The following SSUH2 variants were observed in gnomAD, a reference collection of about 807,000 sequenced individuals.
The protein encoded by SSUH2 is protein SSUH2 homolog.
In SSUH2, 47 loss-of-function variants were observed where a neutral mutation model predicts 55.3. That is an observed-to-expected ratio of 0.85 (90% CI 0.67 to 1.08). The LOEUF is 1.08. Among genes scored for constraint, SSUH2 ranks in the 50% least tolerant of loss-of-function variants. The pLI, the probability that SSUH2 is intolerant of heterozygous loss-of-function variation, is 0.00. For missense variants in SSUH2, 535 were observed against 490.7 expected (o/e 1.09, Z -0.85); for synonymous variants, 212 against 191.5 (o/e 1.11, Z -0.89).
At chr3:8,635,081 T>C (rs1699686710) in intron 3 of SSUH2, among the ~76,000 whole-genome samples, 1 of 152,222 alleles carries the variant, frequency 6.6e-6, no homozygotes, top group Non-Finnish European at 1.5e-5. Flanking sequence ...AACCCTGATC[T>C]AGACTATGGT....
At chr3:8,663,571 TG>T (rs1217015859) in intron 6 of SSUH2, among the ~76,000 whole-genome samples, 1 of 128,886 alleles carries the variant, frequency 7.8e-6, no homozygotes, top group African/African-American at 3.0e-5. Flanking sequence ...TGGGGCGGGG[TG>T]GGGGGTGTCT....
chr3:8,675,578 C>G lies in SSUH2; in HGVS notation c.-753+1628G>C, dbSNP rs889815799. 3.2e-5 allele frequency among the ~76,000 whole-genome samples: 4 copies of G among 126,346 alleles called. No homozygotes were observed. The East Asian group carries it at 7.6e-4, about 24-fold the overall frequency. The allele number at this position is 126,346 out of a possible 152,430, so 82.9% of individuals were successfully genotyped here. On this transcript the variant is annotated intron_variant, in intron 3 of 18. Coordinates refer to the SSUH2 transcript ENST00000317371. ...TTGTGATTTACTATCCCACAGGGGT[C>G]GGAACGCAGCCCAGGATCAGAAAGA...
In SSUH2 at chr3:8,633,690, C is replaced by G; in HGVS notation, c.315G>C (p.Glu105Asp). 1 of 1,533,372 alleles carries G rather than the reference C, an allele frequency of 6.5e-7. No homozygotes were observed. The highest frequency in any genetic ancestry group is 8.8e-7 in the Non-Finnish European group (1 of 1,141,144). 95.0% of individuals were successfully genotyped at this position (1,533,372 alleles called of 1,614,324 possible). ...CCCTGCAGAGGGTCTGCCGCTTCAG[C>G]TCCTGGATGACGAGGTCTCCAGCCA... ...STVAGDLVIQ[E>D]LKRQTLCRYR... is the part of the protein sequence containing the mutation. The change falls in exon 4 of 12, where the codon GAG (glutamate) becomes GAC (aspartate). Residue 105 changes from glutamate to aspartate, a missense_variant. By Grantham distance (45) the Glu-to-Asp change is conservative. Coordinates refer to ENST00000544814, the MANE Select transcript of SSUH2 (RefSeq NM_001256748.3).
intron 1 of SSUH2, chr3:8,681,763 C>G (rs986650182): frequency 6.6e-6 from 1 of 152,358 alleles, no homozygotes; most frequent in Admixed American, 6.6e-5. Flanking sequence ...CCTCTTCCCC[C>G]TCTGGCTCTT....
At chr3:8,671,560 C>T (rs1214005691) in intron 4 of SSUH2, among the ~76,000 whole-genome samples, 1 of 148,364 alleles carries the variant, frequency 6.7e-6, no homozygotes, top group Non-Finnish European at 1.5e-5. Flanking sequence ...GGTGTACACA[C>T]ATTGTGATAT....
upstream of SSUH2, among the ~76,000 whole-genome samples, chr3:8,647,847 G>A (rs140843803): frequency 6.6e-6 from 1 of 152,252 alleles, no homozygotes; most frequent in Non-Finnish European, 1.5e-5. Flanking sequence ...ATTGTTGTTG[G>A]CTTATCTGCA....
chr3:8,620,097 T>C (rs1696103149), intron 11 of SSUH2, 83 bp from the exon 12 acceptor site: 1 of 1,493,862 alleles, frequency 6.7e-7, no homozygotes, highest in Non-Finnish European at 9.1e-7. Context: ...AGCTCCCTAC[T>C]GTGTGTGGTA....
At chr3:8,627,429 C>A in intron 8 of SSUH2, 1 of 359,084 alleles carries the variant, frequency 2.8e-6, no homozygotes, top group Admixed American at 4.7e-5. Flanking sequence ...CCTGGTAACC[C>A]CGTCCCTGTG....
chr3:8,632,342 G>C (rs1056881159), intron 4 of SSUH2, among the ~76,000 whole-genome samples: 5 of 152,160 alleles, frequency 3.3e-5, no homozygotes, highest in African/African-American at 9.7e-5. Context: ...GCTCAAACTA[G>C]AGCTAATTCA....
chr3:8,643,480 T>C (rs1218320831), intron 1 of SSUH2, among the ~76,000 whole-genome samples: 3 of 152,244 alleles, frequency 2.0e-5, no homozygotes, highest in Non-Finnish European at 4.4e-5. Flanking sequence ...ATTTCCAATA[T>C]ATTAGAGGTC....
intron 8 of SSUH2, 72 bp from the exon 9 acceptor site, chr3:8,626,393 C>T: frequency 9.1e-7 from 1 of 1,098,352 alleles, no homozygotes; most frequent in South Asian, 1.3e-5. Context: ...CTCCCACCTG[C>T]ACCCCCTTCC....
intron 7 of SSUH2, among the ~76,000 whole-genome samples, chr3:8,653,800 A>C (rs1252458983): frequency 1.3e-5 from 2 of 152,250 alleles, no homozygotes; most frequent in Non-Finnish European, 2.9e-5. Flanking sequence ...AAGTAAATGT[A>C]CCCGTGTGAC....
chr3:8,640,664 G>A (rs566239256), intron 1 of SSUH2, among the ~76,000 whole-genome samples: 80 of 152,254 alleles, frequency 5.3e-4, no homozygotes, highest in African/African-American at 1.8e-3. Flanking sequence ...AAAGAAAGAA[G>A]GAAGGAGAAA....
At chr3:8,623,519 G>A (rs1321045954) in intron 11 of SSUH2, 30 bp downstream of exon 11, 13 of 1,334,832 alleles carry the variant, frequency 9.7e-6, no homozygotes, top group East Asian at 5.0e-5. Flanking sequence ...AGAGACGTCA[G>A]AGCCAGATGG....
intron 3 of SSUH2, chr3:8,634,769 C>A (rs552748153): frequency 3.8e-5 from 14 of 372,122 alleles, no homozygotes; most frequent in South Asian, 2.8e-4. Flanking sequence ...AAATAGGGGG[C>A]AGCTCCACCT....
chr3:8,633,850 C>G (rs376396142), intron 3 of SSUH2, 55 bp from the exon 4 acceptor site: 7 of 1,613,140 alleles, frequency 4.3e-6, no homozygotes, highest in Non-Finnish European at 5.9e-6. Context: ...TGTGGACTCA[C>G]GCGGGCCAGC....
intron 11 of SSUH2, among the ~76,000 whole-genome samples, chr3:8,620,728 T>A (rs942661251): frequency 1.3e-5 from 2 of 151,942 alleles, no homozygotes; most frequent in South Asian, 2.1e-4. Flanking sequence ...AATTTTTAGA[T>A]GGAGTGCTGG....
chr3:8,642,386 T>C (rs527538875), intron 1 of SSUH2, among the ~76,000 whole-genome samples: 128 of 152,326 alleles, frequency 8.4e-4, no homozygotes, highest in African/African-American at 3.0e-3. Context: ...CTGAGTAGAC[T>C]TGCAGCCTGG....
chr3:8,651,963 G>T (rs56243726), intron 7 of SSUH2: 1 of 152,304 alleles, frequency 6.6e-6, no homozygotes, highest in Non-Finnish European at 1.5e-5. Flanking sequence ...TCTCCGTGGC[G>T]ACTGCCTCAG....
Sources: allele counts gnomAD v4.1 joint callset (sites outside exome capture counted in the v4.1 genomes callset), GRCh38; gene constraint gnomAD v4.1.1; transcripts MANE v1.5; gene names NCBI Gene and HGNC (gene_info 2026-07-23, HGNC 2026-07-21).